FBXL20: variants seen among roughly 807,000 people sequenced by gnomAD.
FBXL20 encodes the protein F-box and leucine rich repeat protein 20.
FBXL20 carries 11 observed loss-of-function variants against 64.0 expected under a neutral mutation model. That is an observed-to-expected ratio of 0.17 (90% confidence interval 0.11 to 0.28). The LOEUF (loss-of-function observed/expected upper bound fraction) is 0.28, where lower values mean the gene tolerates loss of function less well. FBXL20 is among the 10% of genes least tolerant of loss of function. The pLI is 1.00. For missense variants in FBXL20, 303 were observed against 526.2 expected, an observed-to-expected ratio of 0.58 and a Z score of 4.15; for synonymous variants, 184 against 189.0, an observed-to-expected ratio of 0.97 and a Z score of 0.22.
At chr17:39,270,651 G>T in intron 11 of FBXL20, 145 bp downstream of exon 11, 1 of 616,438 alleles carries the variant, frequency 1.6e-6, no homozygotes, top group Non-Finnish European at 2.8e-6. Flanking sequence ...GATATCAGTA[G>T]GTCTGTAGCT....
At chr17:39,287,811 C>T (rs544496074) in intron 6 of FBXL20, among the ~76,000 whole-genome samples, 48 of 152,044 alleles carry the variant, frequency 3.2e-4, no homozygotes, top group Non-Finnish European at 5.9e-4. Flanking sequence ...CCAAATTGGC[C>T]GTACCATTTT....
rs976544367 is a variant in FBXL20, at chr17:39,312,714, C to T, written c.105-9075G>A. ...TCAGTCTCCCGAGTTGCTGGGACTA[C>T]AGGCACCTGCCACCACGCCTGGCTA... On this transcript the variant is annotated intron_variant, in intron 2 of 14. Transcript: ENST00000264658. Among the ~76,000 whole-genome samples, 11 of 146,432 alleles carry T rather than the reference C, an allele frequency of 7.5e-5. 1 individual carries two copies. In the South Asian group the frequency reaches 2.2e-3, roughly 29 times the overall value.
At chr17:39,307,082 A>T (rs2144469491) in intron 2 of FBXL20, among the ~76,000 whole-genome samples, 1 of 152,322 alleles carries the variant, frequency 6.6e-6, no homozygotes, top group South Asian at 2.1e-4. Context: ...GCAGTATCTG[A>T]AGCTGTGGTT....
At position 39,281,429 on chromosome 17, in the gene FBXL20, T is replaced by C; in HGVS notation, c.656A>G (p.His219Arg). ...GTTCAAAGTCACCAGTTCAGGGCAG[T>C]GTGCACCTATGTACTTGAGAGCTTC... ...EDEALKYIGA[H>R]CPELVTLNLQ... is the part of the protein sequence containing the mutation. The change falls in exon 9 of 15, where the codon CAC (histidine) becomes CGC (arginine). Residue 219 changes from histidine (H) to arginine (R), a missense_variant. This residue lies in a region of FBXL20 where 246 missense variants were observed against 422.6 expected (regional missense o/e 0.58). Coordinates refer to ENST00000264658, the MANE Select transcript of FBXL20 (RefSeq NM_032875.3). 1.2e-6 allele frequency: 2 copies of C among 1,613,984 alleles called. No individual in the cohort carries two copies. The highest frequency in any genetic ancestry group is 1.7e-6 in the Non-Finnish European group (2 of 1,179,954).
Position 39,264,298 on chromosome 17 carries a change from C to T in FBXL20, c.1080G>A (p.Glu360=), listed in dbSNP as rs1312142381. 5 of 1,614,226 alleles carry T rather than the reference C, an allele frequency of 3.1e-6. No homozygotes were observed. The highest frequency in any genetic ancestry group is 3.3e-5 in the Admixed American group (2 of 60,028). The change falls in exon 14 of 15, where the codon GAG becomes GAA. Residue 360 remains glutamate, a synonymous_variant. Coordinates refer to ENST00000264658, the MANE Select transcript of FBXL20 (RefSeq NM_032875.3). ...ACAHDQLEVI[E]LDNCPLITDA... ...CTGTGATTAGTGGGCAGTTGTCCAGCTCAATCACCTCCAGCTGGTCATGGG... is the reference window on the plus strand; with the variant it reads ...CTGTGATTAGTGGGCAGTTGTCCAGTTCAATCACCTCCAGCTGGTCATGGG...
At chr17:39,333,779 T>C (rs6503501) in intron 2 of FBXL20, among the ~76,000 whole-genome samples, 55,467 of 135,386 alleles carry the variant, frequency 0.41, 12,702 homozygotes, top group African/African-American at 0.68. Context: ...ATGTGAAGAG[T>C]GCCTCTGCCC....
rs1249183643 is a variant in FBXL20, at chr17:39,326,823, T to C, written c.104+16357A>G. On this transcript the variant is annotated intron_variant, in intron 2 of 14. Transcript: ENST00000264658. ...ACACGCTTTTGTAGAGACAGGGCTC[T>C]CACTATGTTGCCCAGGATGGTCTTG... 3.4e-5 allele frequency among the ~76,000 whole-genome samples: 5 copies of C among 148,596 alleles called. No homozygotes were observed. In the East Asian group the frequency reaches 1.0e-3, roughly 30 times the overall value.
intron 2 of FBXL20, among the ~76,000 whole-genome samples, chr17:39,324,306 T>A (rs1201924499): frequency 6.7e-6 from 1 of 149,268 alleles, no homozygotes; most frequent in African/African-American, 2.6e-5. Context: ...CTTTTTTTTT[T>A]AGACAAGAGT....
At chr17:39,317,203 G>A (rs562575024) in intron 2 of FBXL20, among the ~76,000 whole-genome samples, 17 of 152,158 alleles carry the variant, frequency 1.1e-4, no homozygotes, top group Admixed American at 1.1e-3. Flanking sequence ...AAATCACCAA[G>A]AACTTATTAA....
intron 2 of FBXL20, among the ~76,000 whole-genome samples, chr17:39,337,497 T>C (rs1476511391): frequency 1.3e-5 from 2 of 150,358 alleles, no homozygotes; most frequent in Non-Finnish European, 2.9e-5. Context: ...GTCTGGAAAG[T>C]GAGGAGCGTC....
At chr17:39,361,325 G>A (rs750297672) in intron 1 of FBXL20, among the ~76,000 whole-genome samples, 2 of 152,050 alleles carry the variant, frequency 1.3e-5, no homozygotes, top group African/African-American at 4.8e-5. Flanking sequence ...AGGCCATTTC[G>A]CTGTTAGCTG....
intron 1 of FBXL20, among the ~76,000 whole-genome samples, chr17:39,363,403 C>T (rs1015672940): frequency 1.3e-5 from 2 of 151,636 alleles, no homozygotes; most frequent in South Asian, 2.1e-4. Context: ...GTGATCCTCC[C>T]GCTTCAGCCT....
At chr17:39,343,397 A>C (rs2047601351) in intron 1 of FBXL20, among the ~76,000 whole-genome samples, 156 bp from the exon 2 acceptor site, 1 of 152,214 alleles carries the variant, frequency 6.6e-6, no homozygotes, top group Non-Finnish European at 1.5e-5. Flanking sequence ...TTTAAGATGA[A>C]AAAGATCTTC....
chr17:39,368,896 C>G (rs1355715979), intron 1 of FBXL20, among the ~76,000 whole-genome samples: 2 of 152,142 alleles, frequency 1.3e-5, no homozygotes, highest in East Asian at 1.9e-4. Context: ...ACCTCGTGAT[C>G]TGCCCACTTC....
chr17:39,307,970 C>CAAA (rs141151872), intron 2 of FBXL20, among the ~76,000 whole-genome samples: 1 of 87,602 alleles, frequency 1.1e-5, no homozygotes. Context: ...GACATCATTT[C>CAAA]AAAAAAAAAA....
intron 10 of FBXL20, among the ~76,000 whole-genome samples, chr17:39,271,173 C>T (rs956034615): frequency 6.6e-6 from 1 of 152,136 alleles, no homozygotes; most frequent in African/African-American, 2.4e-5. Flanking sequence ...TACTGCTTAC[C>T]CCCAGAGGGC....
At chr17:39,335,786 C>G (rs1419338358) in intron 2 of FBXL20, among the ~76,000 whole-genome samples, 1 of 151,996 alleles carries the variant, frequency 6.6e-6, no homozygotes, top group Non-Finnish European at 1.5e-5. Context: ...CAGTGGATTC[C>G]AGCTTGTTAA....
chr17:39,332,829 C>T (rs189525826), intron 2 of FBXL20, among the ~76,000 whole-genome samples: 77 of 152,276 alleles, frequency 5.1e-4, no homozygotes, highest in African/African-American at 1.8e-3. Flanking sequence ...GCATGAGCCA[C>T]CGTGCCCAGC....
At chr17:39,359,629 A>G (rs1427176318) in intron 1 of FBXL20, among the ~76,000 whole-genome samples, 1 of 152,088 alleles carries the variant, frequency 6.6e-6, no homozygotes, top group East Asian at 1.9e-4. Flanking sequence ...CCAGAAAGTA[A>G]CAAGTGTTGG....
Sources: allele counts gnomAD v4.1 joint callset (sites outside exome capture counted in the v4.1 genomes callset), GRCh38; gene constraint gnomAD v4.1.1; regional missense constraint gnomAD v4.1.1; transcripts MANE v1.5; gene names NCBI Gene and HGNC (gene_info 2026-07-23, HGNC 2026-07-21).